The following AKAP13 variants were observed in gnomAD, a reference collection of about 807,000 sequenced individuals.
AKAP13 encodes the protein A-kinase anchor protein 13.
AKAP13 carries 80 observed loss-of-function variants against 264.5 expected under a neutral mutation model. The observed-to-expected ratio is 0.30, with a 90% confidence interval of 0.25 to 0.36. The LOEUF (loss-of-function observed/expected upper bound fraction) is 0.36, where lower values mean the gene tolerates loss of function less well. AKAP13 is among the 10% of genes least tolerant of loss of function. The pLI is 1.00. For synonymous variants in AKAP13, 1,380 were observed against 1,250.2 expected, an observed-to-expected ratio of 1.10 and a Z score of -2.19; for missense variants, 3,712 against 3,435.2, an observed-to-expected ratio of 1.08 and a Z score of -2.01.
chr15:85,624,989 A>G (rs1335957457), intron 8 of AKAP13, among the ~76,000 whole-genome samples: 3 of 152,230 alleles, frequency 2.0e-5, no homozygotes, highest in African/African-American at 2.4e-5. Context: ...TGGATGTTGA[A>G]TACCTGCGGT....
chr15:85,419,861 G>A (rs970359941), intron 1 of AKAP13, among the ~76,000 whole-genome samples: 1 of 151,858 alleles, frequency 6.6e-6, no homozygotes, highest in Non-Finnish European at 1.5e-5. Flanking sequence ...AGTGAAGAGG[G>A]TGAGAGAAAG....
chr15:85,576,361 A>G (rs530817900), intron 6 of AKAP13, among the ~76,000 whole-genome samples: 1 of 152,312 alleles, frequency 6.6e-6, no homozygotes, highest in Admixed American at 6.5e-5. Flanking sequence ...CTATATTTAA[A>G]TCAATAGTTG....
chr15:85,613,713 T>TATATATGTATGTATA, intron 8 of AKAP13, among the ~76,000 whole-genome samples: 2 of 111,018 alleles, frequency 1.8e-5, no homozygotes, highest in South Asian at 3.4e-4. Context: ...TATATATATA[T>TATATATGTATGTATA]TAGGAGTGCT....
intron 1 of AKAP13, among the ~76,000 whole-genome samples, chr15:85,479,542 G>T (rs987402397): frequency 2.0e-5 from 3 of 152,188 alleles, no homozygotes; most frequent in Non-Finnish European, 2.9e-5. Context: ...CTGTCTGCCT[G>T]TTGGGACTGG....
In AKAP13 at chr15:85,414,566, A is replaced by G. The variant is rs531380104; in HGVS notation, c.-12+33768A>G. On this transcript the variant is annotated intron_variant, in intron 1 of 36. Transcript: ENST00000394518. ...TCCTCTTGGTATTAATACATATGGT[A>G]TAGGTACAGAGTGTTCCTTTATGTG... Among the ~76,000 whole-genome samples, 324 of 152,356 alleles carry G rather than the reference A, an allele frequency of 2.1e-3. 1 individual carries two copies. Among genetic ancestry groups the G allele is most frequent in the Admixed American group, 4.3e-3 (66 of 15,302 alleles).
intron 2 of AKAP13, among the ~76,000 whole-genome samples, chr15:85,504,908 A>ACCCTCTCC (rs1001585824): frequency 8.1e-5 from 12 of 147,548 alleles, no homozygotes; most frequent in Admixed American, 3.4e-4. Flanking sequence ...TCTCCCTCGC[A>ACCCTCTCC]CCCTCTCCCC....
chr15:85,672,482 C>T (rs2083984809), intron 14 of AKAP13, among the ~76,000 whole-genome samples: 1 of 152,192 alleles, frequency 6.6e-6, no homozygotes, highest in Non-Finnish European at 1.5e-5. Flanking sequence ...ATAACTGATA[C>T]TTCATAATTT....
Position 85,560,128 on chromosome 15 carries a change from TAAAAAAAAAAAA to T in AKAP13, c.663-14985_663-14974del, listed in dbSNP as rs55715424. Among the ~76,000 whole-genome samples, 190 of 54,590 alleles carry T rather than the reference TAAAAAAAAAAAA, an allele frequency of 3.5e-3. 1 individual carries two copies. Among genetic ancestry groups the T allele is most frequent in the African/African-American group, 0.012 (177 of 15,090 alleles). The allele number at this position is 54,590 out of a possible 152,430, so 35.8% of individuals were successfully genotyped here. On this transcript the variant is annotated intron_variant, in intron 5 of 36. Transcript: ENST00000394518. Reference sequence around the variant, plus strand: ...TCCTGTGATACCTGCTGTCTCCACCTAAAAAAAAAAAAAAAAAAAAAAAAAAAAACAGTAAAA... The same window carrying T: ...TCCTGTGATACCTGCTGTCTCCACCTAAAAAAAAAAAAAAAAACAGTAAAA...
intron 36 of AKAP13, 106 bp from the exon 37 acceptor site, chr15:85,744,522 C>T (rs2089306789): frequency 3.3e-6 from 4 of 1,216,960 alleles, no homozygotes; most frequent in Admixed American, 1.7e-5. Context: ...TGCCCATAAG[C>T]CCCAGTCGCC....
chr15:85,675,206 A>G (rs1340214319), intron 14 of AKAP13, among the ~76,000 whole-genome samples: 2 of 152,222 alleles, frequency 1.3e-5, no homozygotes, highest in East Asian at 3.8e-4. Context: ...TAATAGGGGC[A>G]GCTTATTTTC....
At position 85,708,101 on chromosome 15, in the gene AKAP13, C is replaced by G. The variant is rs561974863; in HGVS notation, c.5532+15C>G. Reference sequence around the variant, plus strand: ...TCAAAATGAAGGTAAGACTTTCTGGCTAAAACAAGGCTTAAAATAAAAGGG... The same window carrying G: ...TCAAAATGAAGGTAAGACTTTCTGGGTAAAACAAGGCTTAAAATAAAAGGG... On this transcript the variant is annotated intron_variant, in intron 18 of 36. Transcript: ENST00000394518. The surrounding 1 kb of genome is among the most constrained non-coding windows in gnomAD (Gnocchi z 4.3). 1 of 1,612,660 alleles carries G rather than the reference C, an allele frequency of 6.2e-7. No individual in the cohort carries two copies. Among genetic ancestry groups the G allele is most frequent in the African/African-American group, 1.3e-5 (1 of 74,970 alleles).
At chr15:85,612,092 AG>A (rs1313272954) in intron 8 of AKAP13, among the ~76,000 whole-genome samples, 1 of 152,204 alleles carries the variant, frequency 6.6e-6, no homozygotes, top group Non-Finnish European at 1.5e-5. Context: ...TTGAAGATTT[AG>A]GGCAGTGACA....
chr15:85,401,041 T>C (rs1306466012), intron 1 of AKAP13, among the ~76,000 whole-genome samples: 1 of 151,950 alleles, frequency 6.6e-6, no homozygotes, highest in Non-Finnish European at 1.5e-5. Flanking sequence ...TTCATATTTT[T>C]ATTGGAGATT....
At chr15:85,539,152 T>G (rs2077502076) in intron 4 of AKAP13, among the ~76,000 whole-genome samples, 1 of 152,166 alleles carries the variant, frequency 6.6e-6, no homozygotes, top group Non-Finnish European at 1.5e-5. Flanking sequence ...TTTTTTCAGC[T>G]GTCATCACTG....
At chr15:85,677,103 G>A in intron 14 of AKAP13, 1 of 985,438 alleles carries the variant, frequency 1.0e-6, no homozygotes, top group Non-Finnish European at 1.2e-6. Context: ...TGCATAGTAA[G>A]TAAGCAACTT....
intron 1 of AKAP13, among the ~76,000 whole-genome samples, chr15:85,399,289 G>C (rs183674269): frequency 1.3e-5 from 2 of 151,162 alleles, no homozygotes; most frequent in African/African-American, 4.9e-5. Context: ...GAGGTCAGGA[G>C]ATCGAGACCA....
At chr15:85,419,090 T>G (rs1204994424) in intron 1 of AKAP13, among the ~76,000 whole-genome samples, 3 of 152,166 alleles carry the variant, frequency 2.0e-5, no homozygotes, top group Non-Finnish European at 2.9e-5. Flanking sequence ...AAAAATTTGG[T>G]GGTGATGGGA....
At chr15:85,678,577 A>G (rs1168434814) in intron 14 of AKAP13, among the ~76,000 whole-genome samples, 3 of 152,118 alleles carry the variant, frequency 2.0e-5, no homozygotes, top group African/African-American at 7.2e-5. Flanking sequence ...AGTATTTGTA[A>G]TAGGCTGGGT....
chr15:85,453,471 C>T lies in AKAP13; in HGVS notation c.-11-32239C>T, dbSNP rs192589064. Among the ~76,000 whole-genome samples, 4 of 152,340 alleles carry T rather than the reference C, an allele frequency of 2.6e-5. No individual in the cohort carries two copies. In the East Asian group the frequency reaches 7.7e-4, roughly 29 times the overall value. ...GTTACCAGTGAAGACTGTGAAACAG[C>T]AAAGATGGCTGCCTGTCCTTCCCTC... On this transcript the variant is annotated intron_variant, in intron 1 of 36. Transcript: ENST00000394518.
Sources: gnomAD v4.1 joint callset for allele counts (sites outside exome capture counted in the v4.1 genomes callset) on GRCh38, gnomAD v4.1.1 for gene constraint, Gnocchi (gnomAD v3.1) non-coding constraint, MANE v1.5 for transcripts, NCBI Gene and HGNC (gene_info 2026-07-23, HGNC 2026-07-21) for gene names.